The following PRELID2 variants were observed in gnomAD, a reference collection of about 807,000 sequenced individuals.
The protein encoded by PRELID2 is PRELI domain-containing protein 2.
In PRELID2, 25 loss-of-function variants were observed where a neutral mutation model predicts 28.4. The ratio of observed to expected loss-of-function variants is 0.88; its 90% CI spans 0.64 to 1.23. PRELID2 has a LOEUF of 1.23. Among genes scored for constraint, PRELID2 ranks in the 50% most tolerant of loss-of-function variants. The pLI, the probability that PRELID2 is intolerant of heterozygous loss-of-function variation, is 0.00. For missense variants in PRELID2, 201 were observed against 214.4 expected, an observed-to-expected ratio of 0.94 and a Z score of 0.39; for synonymous variants, 76 against 71.6, an observed-to-expected ratio of 1.06 and a Z score of -0.31.
intron 1 of PRELID2, among the ~76,000 whole-genome samples, chr5:145,618,263 G>T (rs557393054): frequency 1.2e-4 from 18 of 152,226 alleles, no homozygotes; most frequent in Admixed American, 5.9e-4. Flanking sequence ...GCTTTGTTTT[G>T]TCATGTTACC....
intron 1 of PRELID2, among the ~76,000 whole-genome samples, chr5:145,823,713 G>C (rs1754985448): frequency 6.6e-6 from 1 of 152,148 alleles, no homozygotes; most frequent in Non-Finnish European, 1.5e-5. Context: ...CAGTAGCATA[G>C]TCATAGAAGT....
the PRELID2 span, among the ~76,000 whole-genome samples, chr5:145,389,378 C>G: frequency 6.6e-6 from 1 of 152,148 alleles, no homozygotes; most frequent in Admixed American, 6.5e-5. Flanking sequence ...AACTCATCAC[C>G]TGACACAGAG....
chr5:145,295,979 A>G, the PRELID2 span, among the ~76,000 whole-genome samples: 1 of 152,102 alleles, frequency 6.6e-6, no homozygotes, highest in Admixed American at 6.6e-5. Context: ...ATAAGAATAA[A>G]TCTTGGTGCA....
At chr5:145,290,531 A>C in the PRELID2 span, among the ~76,000 whole-genome samples, 1 of 146,170 alleles carries the variant, frequency 6.8e-6, no homozygotes, top group Non-Finnish European at 1.5e-5. Context: ...GTTCTCACTC[A>C]TAGGTGGGAA....
the PRELID2 span, among the ~76,000 whole-genome samples, chr5:145,408,404 TA>T: frequency 1.6e-5 from 2 of 122,568 alleles, no homozygotes; most frequent in South Asian, 5.6e-4. Flanking sequence ...TTTATATATA[TA>T]TATATATATA....
chr5:145,233,507 G>T, the PRELID2 span, among the ~76,000 whole-genome samples: 10 of 152,196 alleles, frequency 6.6e-5, no homozygotes, highest in African/African-American at 2.4e-4. Context: ...CCACAACCCT[G>T]TTGGACATTA....
intron 1 of PRELID2, among the ~76,000 whole-genome samples, chr5:145,706,859 A>T (rs1365248402): frequency 7.2e-5 from 11 of 152,236 alleles, no homozygotes. Context: ...TCCACCTGGC[A>T]GCTGGCAAAG....
rs1460618462 is a variant in PRELID2, at chr5:145,820,434, C to CGA, written c.134-417_134-416insTC. Among the ~76,000 whole-genome samples, 1,059 of 152,232 alleles carry CGA rather than the reference C, an allele frequency of 7.0e-3. 14 individuals are homozygous for CGA. The highest frequency in any genetic ancestry group is 0.024 in the African/African-American group (1,005 of 41,516). On this transcript the variant is annotated intron_variant, in intron 2 of 6. Coordinates refer to ENST00000683046, the MANE Select transcript of PRELID2 (RefSeq NM_205846.3). Reference sequence around the variant, plus strand: ...AATCACAACCGTTCGCTGCTCTGGACTATCCGTGTCAGTACTCCAATGACG... The same window carrying CGA: ...AATCACAACCGTTCGCTGCTCTGGACGATATCCGTGTCAGTACTCCAATGACG...
chr5:145,706,684 C>A (rs982040522), intron 1 of PRELID2, among the ~76,000 whole-genome samples: 1 of 152,180 alleles, frequency 6.6e-6, no homozygotes, highest in Non-Finnish European at 1.5e-5. Context: ...CAGCATTGTT[C>A]AGTCTAATAT....
chr5:145,623,045 G>A (rs916216853), intron 1 of PRELID2, among the ~76,000 whole-genome samples: 40 of 152,110 alleles, frequency 2.6e-4, no homozygotes, highest in African/African-American at 8.7e-4. Flanking sequence ...GAATTTTAAT[G>A]TAATATAAGG....
the PRELID2 span, among the ~76,000 whole-genome samples, chr5:145,433,250 A>G: frequency 1.3e-5 from 2 of 152,166 alleles, no homozygotes; most frequent in African/African-American, 4.8e-5. Context: ...TCCCTGCCCA[A>G]TACAGCCAGA....
chr5:145,683,650 C>G (rs927070594), intron 1 of PRELID2, among the ~76,000 whole-genome samples: 7 of 152,134 alleles, frequency 4.6e-5, no homozygotes, highest in Non-Finnish European at 1.0e-4. Flanking sequence ...TAGGGCCCAC[C>G]CTAATGCCCT....
chr5:145,502,627 A>C (rs1159397728), intron 1 of PRELID2, among the ~76,000 whole-genome samples: 2 of 152,252 alleles, frequency 1.3e-5, no homozygotes, highest in East Asian at 3.9e-4. Flanking sequence ...CTGAATGTTG[A>C]GATCTTTGAG....
At chr5:145,604,455 C>T (rs1009238071) in intron 1 of PRELID2, among the ~76,000 whole-genome samples, 2 of 152,078 alleles carry the variant, frequency 1.3e-5, no homozygotes, top group African/African-American at 4.8e-5. Context: ...AGTATATATA[C>T]CACATTTTCT....
intron 1 of PRELID2, among the ~76,000 whole-genome samples, chr5:145,656,055 GA>G (rs1754387362): frequency 1.3e-5 from 2 of 151,950 alleles, no homozygotes; most frequent in Admixed American, 6.6e-5. Flanking sequence ...AAATTTATGA[GA>G]AAAAAACAAA....
chr5:145,810,230 A>T (rs1231729573), intron 4 of PRELID2, among the ~76,000 whole-genome samples: 1 of 152,180 alleles, frequency 6.6e-6, no homozygotes. Flanking sequence ...TCAGATTAAG[A>T]TTCACTTTTC....
At chr5:145,508,272 A>ATAGATAGG (rs1752429246) in intron 1 of PRELID2, among the ~76,000 whole-genome samples, 1 of 151,952 alleles carries the variant, frequency 6.6e-6, no homozygotes. Flanking sequence ...AGATAGATAG[A>ATAGATAGG]TAGATAGATA....
At chr5:145,565,354 TA>T (rs1288985654) in intron 1 of PRELID2, among the ~76,000 whole-genome samples, 1 of 152,232 alleles carries the variant, frequency 6.6e-6, no homozygotes, top group Non-Finnish European at 1.5e-5. Flanking sequence ...GGAACCATTA[TA>T]TTAATTCTGA....
At chr5:145,829,654 C>A (rs1043145337) in intron 1 of PRELID2, among the ~76,000 whole-genome samples, 3 of 152,160 alleles carry the variant, frequency 2.0e-5, no homozygotes, top group African/African-American at 7.2e-5. Context: ...TCCCTGTCTT[C>A]CCCACCCCAT....
Sources: allele counts gnomAD v4.1 joint callset (sites outside exome capture counted in the v4.1 genomes callset), GRCh38; gene constraint gnomAD v4.1.1; transcripts MANE v1.5; gene names NCBI Gene and HGNC (gene_info 2026-07-23, HGNC 2026-07-21).